CABLES2: variants seen among roughly 807,000 people sequenced by gnomAD.
The protein encoded by CABLES2 is Cdk5 and Abl enzyme substrate 2.
Under a neutral mutation model 44.8 loss-of-function variants are expected in CABLES2, and 35 were observed. That is an observed-to-expected ratio of 0.78 (90% CI 0.60 to 1.04). CABLES2 has a LOEUF of 1.04. Among genes scored for constraint, CABLES2 ranks in the 50% least tolerant of loss-of-function variants. The pLI, the probability that CABLES2 is intolerant of heterozygous loss-of-function variation, is 0.00. For synonymous variants in CABLES2, 282 were observed against 281.1 expected, an observed-to-expected ratio of 1.00 and a Z score of -0.03; for missense variants, 566 against 615.7, an observed-to-expected ratio of 0.92 and a Z score of 0.85.
rs554261919 is a variant in CABLES2 at position 62,397,499 on chromosome 20, C to A, written c.363-907G>T. On this transcript the variant is annotated intron_variant, in intron 1 of 9. Transcript: ENST00000279101. ...ACTGTACAACGCACTTCCTTGAAGACCCCTCAGGGCACAATGCCCACTGCT... is the reference window on the plus strand; with the variant it reads ...ACTGTACAACGCACTTCCTTGAAGAACCCTCAGGGCACAATGCCCACTGCT... 3.3e-5 allele frequency among the ~76,000 whole-genome samples: 5 copies of A among 152,312 alleles called. No homozygotes were observed. The South Asian group carries it at 1.0e-3, about 32-fold the overall frequency.
intron 1 of CABLES2, among the ~76,000 whole-genome samples, chr20:62,406,204 T>G (rs370630587): frequency 2.4e-4 from 36 of 151,556 alleles, no homozygotes; most frequent in African/African-American, 8.3e-4. Context: ...GGATGGGAGA[T>G]GTGGCTGTGC....
At chr20:62,399,210 A>G (rs1051974298) in intron 1 of CABLES2, among the ~76,000 whole-genome samples, 10 of 150,038 alleles carry the variant, frequency 6.7e-5, no homozygotes, top group Non-Finnish European at 1.5e-4. Context: ...TCGGCCTCCC[A>G]AAGGGCTGGG....
Position 62,396,508 on chromosome 20 carries a change from C to T in CABLES2, c.434+13G>A, listed in dbSNP as rs570529437. ...GCGGAGTCGTAGAGCTCGGGGCGGA[C>T]GGGGGCGTGTACCTCTGTGCTGGAG... On this transcript the variant is annotated intron_variant, in intron 2 of 9. Coordinates refer to ENST00000279101, the MANE Select transcript of CABLES2 (RefSeq NM_031215.3). The surrounding 1 kb of genome is among the most constrained non-coding windows in gnomAD (Gnocchi z 5.7). 4.5e-5 allele frequency: 73 copies of T among 1,613,688 alleles called. No individual in the cohort carries two copies. The Middle Eastern group carries it at 8.2e-4, about 18-fold the overall frequency.
chr20:62,402,441 G>A (rs1299373783), intron 1 of CABLES2: 1 of 152,220 alleles, frequency 6.6e-6, no homozygotes, highest in Non-Finnish European at 1.5e-5. Flanking sequence ...GACCTTGACG[G>A]TGGGTCTGAC....
intron 1 of CABLES2, among the ~76,000 whole-genome samples, chr20:62,398,043 ATGGTGGTGATGG>A (rs1569017413): frequency 1.3e-5 from 1 of 78,224 alleles, no homozygotes; most frequent in Non-Finnish European, 2.7e-5. Context: ...AGTGATGGTG[ATGGTGGTGATGG>A]CGATGGTGGT....
intron 5 of CABLES2, 92 bp from the exon 6 acceptor site, chr20:62,393,697 C>T: frequency 1.5e-6 from 2 of 1,361,046 alleles, no homozygotes; most frequent in South Asian, 2.8e-5. Flanking sequence ...ACGCACATGC[C>T]AGGAGCCCTG....
chr20:62,394,874 G>T, intron 4 of CABLES2, 63 bp downstream of exon 4: 1 of 1,482,710 alleles, frequency 6.7e-7, no homozygotes, highest in South Asian at 1.2e-5. Context: ...GGGCCTGGCC[G>T]AGACCAGGCC....
At chr20:62,398,070 A>ATGGTGATGGTGATGGTGGTGG (rs1569017462) in intron 1 of CABLES2, among the ~76,000 whole-genome samples, 6 of 28,932 alleles carry the variant, frequency 2.1e-4, no homozygotes, top group Non-Finnish European at 3.6e-4. Flanking sequence ...GGTGGTGGTG[A>ATGGTGATGGTGATGGTGGTGG]CGGTGGTGGT....
intron 1 of CABLES2, among the ~76,000 whole-genome samples, chr20:62,402,052 T>C (rs1036979377): frequency 1.3e-5 from 2 of 152,104 alleles, no homozygotes; most frequent in African/African-American, 4.8e-5. Flanking sequence ...CGGTGCCTAC[T>C]CGTGGTTCCC....
rs770254022 is a variant in CABLES2 at position 62,392,911 on chromosome 20, G to T, written c.984+9C>A. On this transcript the variant is annotated intron_variant, in intron 7 of 9. Transcript: ENST00000279101. ...TGCCTGCACCCAGGCCCTGGGAGAG[G>T]GCACTCACCATGTACGACGCAAAGA... The T allele has an allele frequency of 1.2e-6, 2 of 1,611,694 alleles. No individual in the cohort carries two copies. The highest frequency in any genetic ancestry group is 1.7e-5 in the Admixed American group (1 of 60,024).
intron 8 of CABLES2, 132 bp downstream of exon 8, chr20:62,392,257 C>A: frequency 1.5e-6 from 1 of 649,488 alleles, no homozygotes; most frequent in Middle Eastern, 2.9e-4. Flanking sequence ...GGGGCCTGGT[C>A]GGATGGCGAG....
At chr20:62,398,149 T>TTATGAC (rs1988098815) in intron 1 of CABLES2, among the ~76,000 whole-genome samples, 1 of 141,810 alleles carries the variant, frequency 7.1e-6, no homozygotes, top group East Asian at 2.1e-4. Flanking sequence ...ATGGTGGTGG[T>TTATGAC]GGTGGTGACG....
intron 1 of CABLES2, among the ~76,000 whole-genome samples, chr20:62,398,587 T>C (rs1056471205): frequency 1.3e-5 from 2 of 152,220 alleles, no homozygotes; most frequent in Non-Finnish European, 2.9e-5. Context: ...CAGGGTCCCA[T>C]GGGCCTTCCC....
Position 62,406,962 on chromosome 20 carries a change from G to T in CABLES2, c.315C>A (p.Ser105Arg), listed in dbSNP as rs763440011. The T allele has an allele frequency of 8.2e-7, 1 of 1,214,036 alleles. No homozygotes were observed. The highest frequency in any genetic ancestry group is 1.0e-6 in the Non-Finnish European group (1 of 976,202). 75.2% of individuals were successfully genotyped at this position (1,214,036 alleles called of 1,614,324 possible). The change falls in exon 1 of 10, where the codon AGC becomes AGA. Residue 105 changes from serine to arginine, a missense_variant. By Grantham distance (110) the Ser-to-Arg change is moderately radical. Transcript: ENST00000279101. ...ARTPAPQGLL[S>R]PTQVPTGLGL... ...CGAGGCCGGTGGGCACCTGCGTGGG[G>T]CTGAGCAGGCCCTGGGGCGCGGGGG...
chr20:62,407,225 C>T lies in CABLES2; in HGVS notation c.52G>A (p.Gly18Arg). 1.1e-6 allele frequency: 1 copy of T among 915,604 alleles called. No individual in the cohort carries two copies. Among genetic ancestry groups the T allele is most frequent in the Non-Finnish European group, 1.3e-6 (1 of 770,818 alleles). The allele number at this position is 915,604 out of a possible 1,614,324, so 56.7% of individuals were successfully genotyped here. Residue 18 changes from glycine (G) to arginine (R), a missense_variant, in exon 1 of 10, where the codon GGG (glycine) becomes AGG (arginine). This residue lies in a region of CABLES2 where 130 missense variants were observed against 79.4 expected (regional missense o/e 1.64). Coordinates refer to ENST00000279101, the MANE Select transcript of CABLES2 (RefSeq NM_031215.3). Reference protein sequence around the residue: ...GAPGPAPGPAGPPPPAAPTSA... With the variant: ...GAPGPAPGPARPPPPAAPTSA... ...GTCGGCGCGGCGGGTGGCGGGGGCC[C>T]GGCGGGGCCGGGGGCCGGGCCCGGG...
intron 6 of CABLES2, 109 bp downstream of exon 6, chr20:62,393,331 G>A (rs1174476600): frequency 1.7e-5 from 20 of 1,182,014 alleles, no homozygotes; most frequent in Admixed American, 6.7e-5. Flanking sequence ...CCATCTGCAC[G>A]GAGGGCTACA....
intron 1 of CABLES2, chr20:62,402,576 G>C (rs972918952): frequency 2.0e-5 from 3 of 152,256 alleles, no homozygotes; most frequent in Admixed American, 1.3e-4. Context: ...GTGTTGTTCG[G>C]CTGCCCCCAG....
chr20:62,392,972 G>A lies in CABLES2; in HGVS notation c.932C>T (p.Pro311Leu), dbSNP rs758418477. The change falls in exon 7 of 10, where the codon CCG becomes CTG. Residue 311 changes from proline (P) to leucine (L), a missense_variant. Transcript: ENST00000279101. ...TTTGTGCTTGCCGCAGGGCCACTGC[G>A]GGTCATCCAGGAGGTTGGGGTTGTA... is the stretch of plus-strand genomic sequence containing the variant. ...LEYNPNLLDD[P>L]QWPCGKHKRV... The A allele has an allele frequency of 2.5e-6, 4 of 1,614,050 alleles. No homozygotes were observed. The highest frequency in any genetic ancestry group is 1.7e-5 in the Admixed American group (1 of 60,034).
intron 1 of CABLES2, among the ~76,000 whole-genome samples, chr20:62,397,938 ATGGTGGTGACGGTAGTGG>A (rs1988055963): frequency 1.6e-5 from 1 of 63,622 alleles, no homozygotes; most frequent in Non-Finnish European, 2.8e-5. Flanking sequence ...GGTGGTGGTG[ATGGTGGTGACGGTAGTGG>A]TGGTGATGGT....
Sources: allele counts gnomAD v4.1 joint callset (sites outside exome capture counted in the v4.1 genomes callset), GRCh38; gene constraint gnomAD v4.1.1; regional missense constraint gnomAD v4.1.1; non-coding constraint Gnocchi (gnomAD v3.1); transcripts MANE v1.5; gene names NCBI Gene and HGNC (gene_info 2026-07-23, HGNC 2026-07-21).